The following LRGUK variants were observed in gnomAD, a reference collection of about 807,000 sequenced individuals.
LRGUK encodes the protein leucine-rich repeat and guanylate kinase domain-containing protein.
A neutral mutation model predicts 76.0 loss-of-function variants in LRGUK; 65 were observed. The observed-to-expected ratio is 0.85, with a 90% CI of 0.70 to 1.05. The LOEUF (loss-of-function observed/expected upper bound fraction) is 1.05, where lower values mean the gene tolerates loss of function less well. Ranked by LOEUF, LRGUK falls within the 50% of genes least tolerant of loss-of-function variation. LRGUK has a pLI of 0.00. For missense variants in LRGUK, 758 were observed against 732.8 expected (o/e 1.03, Z -0.40); for synonymous variants, 268 against 265.6 (o/e 1.01, Z -0.09).
chr7:134,191,810 G>A lies in LRGUK; in HGVS notation c.1431+59G>A, dbSNP rs910832629. Reference sequence around the variant, plus strand: ...GAAATACACGTTCTCTGGCAAAAATGTTAGGAAATAGTTATAAATAAAAAA... The same window carrying A: ...GAAATACACGTTCTCTGGCAAAAATATTAGGAAATAGTTATAAATAAAAAA... On this transcript the variant is annotated intron_variant, in intron 12 of 15. Transcript: ENST00000645682. 7.0e-6 allele frequency: 8 copies of A among 1,136,530 alleles called. No individual in the cohort carries two copies. In the African/African-American group the frequency reaches 1.1e-4, roughly 16 times the overall value. 70.4% of individuals were successfully genotyped at this position (1,136,530 alleles called of 1,614,324 possible). A position where few individuals can be genotyped will look rare whatever the true frequency, so the allele number is the denominator to read the frequency against.
intron 3 of LRGUK, among the ~76,000 whole-genome samples, chr7:134,140,646 T>A (rs1269579797): frequency 6.6e-6 from 1 of 152,120 alleles, no homozygotes; most frequent in Non-Finnish European, 1.5e-5. Flanking sequence ...TTATGACAAA[T>A]AAATGTTGCT....
intron 10 of LRGUK, among the ~76,000 whole-genome samples, chr7:134,182,746 TTTA>T (rs1320019112): frequency 6.6e-6 from 1 of 152,084 alleles, no homozygotes; most frequent in Admixed American, 6.5e-5. Flanking sequence ...TGCAGGAGAT[TTTA>T]TTATTATGAT....
intron 10 of LRGUK, among the ~76,000 whole-genome samples, chr7:134,182,972 C>T (rs1252198937): frequency 6.6e-6 from 1 of 152,188 alleles, no homozygotes; most frequent in Non-Finnish European, 1.5e-5. Context: ...GTTGTTCAGG[C>T]TGGTTTCGAA....
At chr7:134,220,934 A>G (rs552435616) in intron 15 of LRGUK, among the ~76,000 whole-genome samples, 28 of 152,116 alleles carry the variant, frequency 1.8e-4, no homozygotes, top group African/African-American at 5.1e-4. Flanking sequence ...CATGTATTCA[A>G]ACCTCAGCCC....
chr7:134,199,987 T>C lies in LRGUK; in HGVS notation c.1747+566T>C, dbSNP rs1209666344. On this transcript the variant is annotated intron_variant, in intron 14 of 15. Coordinates refer to ENST00000645682, the Ensembl canonical transcript of LRGUK. ...TAGATATATTCTAGAAACTTTTATA[T>C]ATATATATATATATATATATATATA... Among the ~76,000 whole-genome samples the C allele has an allele frequency of 2.0e-3, 115 of 56,548 alleles. 1 individual carries two copies. Among genetic ancestry groups the C allele is most frequent in the African/African-American group, 9.3e-3 (110 of 11,786 alleles). The allele number at this position is 56,548 out of a possible 152,430, so 37.1% of individuals were successfully genotyped here. A position where few individuals can be genotyped will look rare whatever the true frequency, so the allele number is the denominator to read the frequency against.
intron 7 of LRGUK, among the ~76,000 whole-genome samples, chr7:134,163,947 C>T (rs138336561): frequency 7.4e-4 from 112 of 152,138 alleles, no homozygotes; most frequent in African/African-American, 2.6e-3. Flanking sequence ...AGTCTAGGGC[C>T]ATGATGGGGG....
chr7:134,218,679 T>C (rs1372895568), intron 15 of LRGUK, among the ~76,000 whole-genome samples: 1 of 152,220 alleles, frequency 6.6e-6, no homozygotes, highest in Non-Finnish European at 1.5e-5. Context: ...TGTTTGATGA[T>C]ACAATGTGAA....
chr7:134,163,652 C>T, intron 7 of LRGUK, 112 bp downstream of exon 7: 1 of 933,394 alleles, frequency 1.1e-6, no homozygotes. Flanking sequence ...CATTAAATGT[C>T]AGCTTAGAAA....
intron 6 of LRGUK, 25 bp downstream of exon 6, chr7:134,158,184 TTATAG>T (rs1798566916): frequency 6.3e-7 from 1 of 1,598,232 alleles, no homozygotes; most frequent in Admixed American, 1.7e-5. Context: ...ATGCTGTTCT[TTATAG>T]AAGTAGTAGT....
chr7:134,234,675 T>C (rs925533890), intron 16 of LRGUK, among the ~76,000 whole-genome samples: 31 of 152,130 alleles, frequency 2.0e-4, no homozygotes, highest in Admixed American at 1.3e-4. Context: ...TCCTTTTCAG[T>C]CTCCTTTCTC....
At position 134,144,708 on chromosome 7, in the gene LRGUK, G is replaced by A. The variant is rs113211361; in HGVS notation, c.588+1546G>A. Among the ~76,000 whole-genome samples the A allele has an allele frequency of 2.0e-3, 307 of 152,232 alleles. 3 individuals carry two copies. Among genetic ancestry groups the A allele is most frequent in the African/African-American group, 6.5e-3 (272 of 41,544 alleles). On this transcript the variant is annotated intron_variant, in intron 4 of 15. Coordinates refer to ENST00000645682, the Ensembl canonical transcript of LRGUK. ...CAAGAAACAGACATTCCCTTATACTGATGAGAGACCTTAATTTTCAATTTT... is the reference window on the plus strand; with the variant it reads ...CAAGAAACAGACATTCCCTTATACTAATGAGAGACCTTAATTTTCAATTTT...
At chr7:134,239,637 A>C (rs1036194186) in intron 16 of LRGUK, among the ~76,000 whole-genome samples, 2 of 152,216 alleles carry the variant, frequency 1.3e-5, no homozygotes, top group African/African-American at 2.4e-5. Flanking sequence ...GACATAGCTG[A>C]ATAAAAGGCA....
At chr7:134,143,960 G>C (rs1797871391) in intron 4 of LRGUK, among the ~76,000 whole-genome samples, 1 of 152,230 alleles carries the variant, frequency 6.6e-6, no homozygotes, top group African/African-American at 2.4e-5. Context: ...AGGTCAGAGA[G>C]AAGTGGTTCC....
At chr7:134,142,917 A>C in intron 3 of LRGUK, 145 bp from the exon 4 acceptor site, 1 of 545,804 alleles carries the variant, frequency 1.8e-6, no homozygotes, top group Non-Finnish European at 3.2e-6. Context: ...TCCTGATTTT[A>C]TTCCTTTCAC....
intron 12 of LRGUK, among the ~76,000 whole-genome samples, chr7:134,193,821 A>G (rs1800362348): frequency 6.6e-6 from 1 of 151,882 alleles, no homozygotes. Context: ...CCTGCCCGCC[A>G]TCCTCCATTA....
rs771220145 is a variant in LRGUK at position 134,201,525 on chromosome 7, G to T, written c.1792G>T (p.Glu598Ter). The T allele has an allele frequency of 5.6e-6, 9 of 1,613,844 alleles. No individual in the cohort carries two copies. The South Asian group carries it at 9.9e-5, about 18-fold the overall frequency. Residue 598 changes from glutamate (E) to a stop codon, truncating the protein, a stop_gained, in exon 15 of 16, where the codon GAA becomes TAA. Transcript: ENST00000645682. LOFTEE classifies it high-confidence loss of function. ...CCAAAAACTGAGTCAGCTCATTAGA[G>T]AATACCTTGGATTGACTGAGGAACC...
At chr7:134,148,798 T>C (rs2346458) in intron 5 of LRGUK, among the ~76,000 whole-genome samples, 19,727 of 151,914 alleles carry the variant, frequency 0.13, 1,630 homozygotes, top group East Asian at 0.33. Flanking sequence ...TGATGGGATG[T>C]GCCTGTAATC....
chr7:134,133,821 A>G (rs946666115), intron 1 of LRGUK, among the ~76,000 whole-genome samples: 3 of 152,144 alleles, frequency 2.0e-5, no homozygotes, highest in African/African-American at 7.2e-5. Context: ...GCACTTTGGG[A>G]GGCGGAAGTG....
intron 18 of LRGUK, among the ~76,000 whole-genome samples, chr7:134,251,919 T>C (rs1370698348): frequency 2.6e-5 from 4 of 152,150 alleles, no homozygotes; most frequent in African/African-American, 9.7e-5. Context: ...AAGAGCCAGA[T>C]GTTGGCAATA....
Sources: gnomAD v4.1 joint callset for allele counts (sites outside exome capture counted in the v4.1 genomes callset) on GRCh38, gnomAD v4.1.1 for gene constraint, MANE v1.5 for transcripts, NCBI Gene and HGNC (gene_info 2026-07-23, HGNC 2026-07-21) for gene names.